ROBO2: variants seen among roughly 807,000 people sequenced by gnomAD.
The protein encoded by ROBO2 is roundabout homolog 2.
In ROBO2, 53 loss-of-function variants were observed where a neutral mutation model predicts 160.8. The ratio of observed to expected loss-of-function variants is 0.33; its 90% CI spans 0.26 to 0.41. ROBO2 has a LOEUF of 0.41. ROBO2 is among the 10% of genes least tolerant of loss of function. ROBO2 has a pLI of 1.00. For missense variants in ROBO2, 1,577 were observed against 1,722.4 expected, an observed-to-expected ratio of 0.92 and a Z score of 1.49; for synonymous variants, 664 against 611.7, an observed-to-expected ratio of 1.09 and a Z score of -1.26.
chr3:76,164,953 C>G (rs1401087225), intron 2 of ROBO2, among the ~76,000 whole-genome samples: 2 of 152,166 alleles, frequency 1.3e-5, no homozygotes, highest in African/African-American at 4.8e-5. Context: ...TGGACCCAGC[C>G]TCCTGGGCTG....
At chr3:75,994,289 C>A (rs563892711) in intron 2 of ROBO2, among the ~76,000 whole-genome samples, 5 of 152,268 alleles carry the variant, frequency 3.3e-5, no homozygotes, top group South Asian at 4.1e-4. Flanking sequence ...ATTGTCATCA[C>A]CCTGCAGACT....
intron 2 of ROBO2, among the ~76,000 whole-genome samples, chr3:76,610,892 C>T (rs1299920500): frequency 6.6e-6 from 1 of 152,140 alleles, no homozygotes; most frequent in Non-Finnish European, 1.5e-5. Flanking sequence ...TGTCCTGAGA[C>T]CAAGAGGAAT....
rs55691222 is a variant in ROBO2 at position 76,141,060 on chromosome 3, C to CATATAT, written c.109+203470_109+203475dup. On this transcript the variant is annotated intron_variant, in intron 2 of 26. Transcript: ENST00000487694. Reference sequence around the variant, plus strand: ...ACACACACAGATGTCTTTTTACATACATATATATATATATATAAAATATAT... The same window carrying CATATAT: ...ACACACACAGATGTCTTTTTACATACATATATATATATATATATATATAAAATATAT... Among the ~76,000 whole-genome samples the CATATAT allele has an allele frequency of 1.6e-3, 84 of 53,586 alleles. 6 individuals are homozygous for CATATAT. The highest frequency in any genetic ancestry group is 2.1e-3 in the Non-Finnish European group (60 of 28,704). The allele number at this position is 53,586 out of a possible 152,430, so 35.2% of individuals were successfully genotyped here.
At chr3:77,179,514 T>C (rs777183056) in intron 2 of ROBO2, among the ~76,000 whole-genome samples, 2 of 151,982 alleles carry the variant, frequency 1.3e-5, no homozygotes, top group Non-Finnish European at 2.9e-5. Flanking sequence ...TAAATGAAGA[T>C]ATTAGTACCA....
At chr3:76,237,267 A>G (rs1705002219) in intron 2 of ROBO2, among the ~76,000 whole-genome samples, 3 of 152,186 alleles carry the variant, frequency 2.0e-5, no homozygotes, top group Admixed American at 1.3e-4. Flanking sequence ...AAGAAGGTCT[A>G]CATTACCTAA....
chr3:77,336,248 T>C (rs1007565952), intron 2 of ROBO2, among the ~76,000 whole-genome samples: 4 of 152,082 alleles, frequency 2.6e-5, no homozygotes, highest in Non-Finnish European at 5.9e-5. Flanking sequence ...GTACAGAGTA[T>C]CACATCATGG....
At chr3:76,427,830 T>A (rs1451094085) in intron 2 of ROBO2, among the ~76,000 whole-genome samples, 1 of 152,160 alleles carries the variant, frequency 6.6e-6, no homozygotes, top group Non-Finnish European at 1.5e-5. Flanking sequence ...TCCAAGAATC[T>A]GTTTTTTCAG....
chr3:77,298,079 G>A (rs1300770727), intron 2 of ROBO2, among the ~76,000 whole-genome samples: 1 of 152,104 alleles, frequency 6.6e-6, no homozygotes, highest in Non-Finnish European at 1.5e-5. Context: ...AGTGTCATTG[G>A]ATCCATCAAA....
intron 2 of ROBO2, among the ~76,000 whole-genome samples, chr3:76,193,286 C>A (rs1344711264): frequency 6.6e-6 from 1 of 152,136 alleles, no homozygotes; most frequent in African/African-American, 2.4e-5. Context: ...GCTCTTTCAA[C>A]CCACACATAC....
chr3:77,230,284 A>G (rs1316834254), intron 2 of ROBO2, among the ~76,000 whole-genome samples: 1 of 152,016 alleles, frequency 6.6e-6, no homozygotes, highest in Non-Finnish European at 1.5e-5. Context: ...GGGTCTCACT[A>G]TGTTGCCCAG....
At position 76,608,241 on chromosome 3, in the gene ROBO2, T is replaced by C. The variant is rs543151161; in HGVS notation, c.110-489773T>C. On this transcript the variant is annotated intron_variant, in intron 2 of 26. Transcript: ENST00000487694. ...CCATTAGTATCATCCTTTCTCACCC[T>C]TCTTGGGCAGTGATGCTTTGTCTTC... Among the ~76,000 whole-genome samples, 10 of 152,320 alleles carry C rather than the reference T, an allele frequency of 6.6e-5. No individual in the cohort carries two copies. The East Asian group carries it at 1.9e-3, about 29-fold the overall frequency.
At chr3:77,548,758 G>A (rs1314272077) in intron 7 of ROBO2, among the ~76,000 whole-genome samples, 1 of 151,824 alleles carries the variant, frequency 6.6e-6, no homozygotes. Flanking sequence ...CCATCAGAGA[G>A]ATAGAGGTAG....
chr3:76,009,254 T>C (rs1014353829), intron 2 of ROBO2, among the ~76,000 whole-genome samples: 2 of 152,088 alleles, frequency 1.3e-5, no homozygotes, highest in Admixed American at 6.5e-5. Context: ...AGGCGCCCGC[T>C]ACCACGCCCG....
chr3:77,598,869 A>G (rs1033175970), intron 19 of ROBO2, among the ~76,000 whole-genome samples: 7 of 152,210 alleles, frequency 4.6e-5, no homozygotes, highest in Non-Finnish European at 1.0e-4. Context: ...ATGAAGGAAT[A>G]GCTGACTCTT....
chr3:76,578,638 C>T (rs192111258), intron 2 of ROBO2, among the ~76,000 whole-genome samples: 1 of 152,190 alleles, frequency 6.6e-6, no homozygotes, highest in Admixed American at 6.5e-5. Flanking sequence ...TTCTCCATCT[C>T]CCTCGCCTCC....
chr3:77,295,697 G>A (rs1228134818), intron 2 of ROBO2, among the ~76,000 whole-genome samples: 1 of 148,934 alleles, frequency 6.7e-6, no homozygotes, highest in South Asian at 2.1e-4. Flanking sequence ...GGGAAGTTGA[G>A]GCTAGATCAC....
intron 2 of ROBO2, among the ~76,000 whole-genome samples, chr3:76,736,175 G>A (rs1445166790): frequency 4.0e-5 from 6 of 151,568 alleles, no homozygotes; most frequent in South Asian, 2.1e-4. Context: ...CCAGCTACTC[G>A]GGAGGCTGAG....
chr3:76,442,320 A>C (rs899156056), intron 2 of ROBO2, among the ~76,000 whole-genome samples: 1 of 152,180 alleles, frequency 6.6e-6, no homozygotes, highest in Non-Finnish European at 1.5e-5. Flanking sequence ...ATCCTAATTT[A>C]ATCAGGATGC....
chr3:77,020,729 A>G (rs952933814), intron 2 of ROBO2, among the ~76,000 whole-genome samples: 7 of 152,188 alleles, frequency 4.6e-5, no homozygotes, highest in African/African-American at 1.2e-4. Context: ...ACAAAATCAT[A>G]GTTTCCAACT....
Sources: gnomAD v4.1 joint callset for allele counts (sites outside exome capture counted in the v4.1 genomes callset) on GRCh38, gnomAD v4.1.1 for gene constraint, MANE v1.5 for transcripts, NCBI Gene and HGNC (gene_info 2026-07-23, HGNC 2026-07-21) for gene names.